The following RUNX1 variants were observed in gnomAD, a reference collection of about 807,000 sequenced individuals.
RUNX1 encodes runt-related transcription factor 1.
Under a neutral mutation model 42.8 loss-of-function variants are expected in RUNX1, and 19 were observed. The observed-to-expected ratio is 0.44, with a 90% CI of 0.31 to 0.65. RUNX1 has a LOEUF of 0.65. Among genes scored for constraint, RUNX1 ranks in the 30% least tolerant of loss-of-function variants. The pLI is 0.07. For missense variants in RUNX1, 528 were observed against 672.0 expected, an observed-to-expected ratio of 0.79 and a Z score of 2.37; for synonymous variants, 271 against 289.4, an observed-to-expected ratio of 0.94 and a Z score of 0.64.
At chr21:35,029,310 T>C (rs964194593) in intron 2 of RUNX1, among the ~76,000 whole-genome samples, 1 of 152,244 alleles carries the variant, frequency 6.6e-6, no homozygotes, top group African/African-American at 2.4e-5. Context: ...AAGCAGCCAA[T>C]ACACCTCAGT....
chr21:34,945,588 C>T (rs1333544333), intron 2 of RUNX1, among the ~76,000 whole-genome samples: 1 of 152,174 alleles, frequency 6.6e-6, no homozygotes, highest in Non-Finnish European at 1.5e-5. Context: ...TTCTTCCCTC[C>T]CAGACTTCTC....
At chr21:34,939,367 T>C (rs918104688) in intron 2 of RUNX1, among the ~76,000 whole-genome samples, 1 of 152,214 alleles carries the variant, frequency 6.6e-6, no homozygotes, top group East Asian at 1.9e-4. Flanking sequence ...GATGCAGTCA[T>C]TTTGCCTCTG....
At chr21:35,012,015 G>A (rs1185564053) in intron 2 of RUNX1, among the ~76,000 whole-genome samples, 1 of 152,178 alleles carries the variant, frequency 6.6e-6, no homozygotes, top group Non-Finnish European at 1.5e-5. Context: ...CTTCTGGCAG[G>A]TGCTACAGGA....
intron 2 of RUNX1, among the ~76,000 whole-genome samples, chr21:35,021,637 G>T (rs913514750): frequency 6.6e-6 from 1 of 152,192 alleles, no homozygotes; most frequent in African/African-American, 2.4e-5. Flanking sequence ...AGTTGAGTTG[G>T]AGAAAGAGCC....
At chr21:34,821,496 T>C in intron 7 of RUNX1, 1 of 1,468,350 alleles carries the variant, frequency 6.8e-7, no homozygotes, top group Non-Finnish European at 9.1e-7. Context: ...TTACGACGGT[T>C]TGCAGAGGGG....
At chr21:34,896,282 A>G (rs573919427) in intron 2 of RUNX1, among the ~76,000 whole-genome samples, 25 of 152,206 alleles carry the variant, frequency 1.6e-4, no homozygotes, top group Non-Finnish European at 3.4e-4. Flanking sequence ...GTGAGAAGAG[A>G]CCATTCTCAG....
chr21:34,940,010 CT>C (rs2058514843), intron 2 of RUNX1, among the ~76,000 whole-genome samples: 1 of 152,112 alleles, frequency 6.6e-6, no homozygotes, highest in African/African-American at 2.4e-5. Flanking sequence ...AATGATGAGG[CT>C]GGAGCATTTC....
chr21:34,795,067 A>G (rs1163068029), intron 8 of RUNX1, among the ~76,000 whole-genome samples: 3 of 152,220 alleles, frequency 2.0e-5, no homozygotes, highest in African/African-American at 7.2e-5. Context: ...AAATCCACAG[A>G]CAGCAACAAA....
At chr21:34,935,516 TAAG>T (rs984511724) in intron 2 of RUNX1, among the ~76,000 whole-genome samples, 3 of 152,174 alleles carry the variant, frequency 2.0e-5, no homozygotes, top group Non-Finnish European at 2.9e-5. Flanking sequence ...AGTATTGTGG[TAAG>T]AATATGATTG....
chr21:34,958,419 C>T (rs949234000), intron 2 of RUNX1, among the ~76,000 whole-genome samples: 27 of 152,132 alleles, frequency 1.8e-4, no homozygotes, highest in Admixed American at 1.0e-3. Context: ...CAAAAGAAGA[C>T]ATTTATGCAG....
chr21:34,860,355 C>T (rs925322312), intron 5 of RUNX1, among the ~76,000 whole-genome samples: 7 of 152,202 alleles, frequency 4.6e-5, no homozygotes, highest in Non-Finnish European at 8.8e-5. Context: ...ATCTGGCTAG[C>T]TGACCTTTGG....
intron 2 of RUNX1, among the ~76,000 whole-genome samples, chr21:34,899,329 G>C (rs2058158385): frequency 1.3e-5 from 2 of 152,164 alleles, no homozygotes; most frequent in Non-Finnish European, 2.9e-5. Context: ...GAGGTGATTA[G>C]ATTAAGATGA....
At chr21:35,019,722 A>G (rs1489461540) in intron 2 of RUNX1, among the ~76,000 whole-genome samples, 1 of 152,080 alleles carries the variant, frequency 6.6e-6, no homozygotes, top group Non-Finnish European at 1.5e-5. Context: ...ATCGACAACC[A>G]CAATCAGCCT....
At chr21:35,030,859 A>G (rs554177843) in intron 2 of RUNX1, among the ~76,000 whole-genome samples, 5 of 152,326 alleles carry the variant, frequency 3.3e-5, no homozygotes, top group African/African-American at 1.2e-4. Context: ...CTACATAAAG[A>G]ACTCAAACAA....
intron 2 of RUNX1, among the ~76,000 whole-genome samples, chr21:34,900,706 T>C (rs1210791924): frequency 6.6e-6 from 1 of 152,248 alleles, no homozygotes; most frequent in African/African-American, 2.4e-5. Context: ...TGCCTCAGCC[T>C]ATAAAACAGT....
intron 7 of RUNX1, among the ~76,000 whole-genome samples, chr21:34,824,686 C>G (rs1288275105): frequency 6.6e-6 from 1 of 152,150 alleles, no homozygotes; most frequent in Non-Finnish European, 1.5e-5. Context: ...TGTCAATTTC[C>G]CCTAAAGGTC....
At chr21:34,937,297 A>T in intron 2 of RUNX1, among the ~76,000 whole-genome samples, 1 of 132,996 alleles carries the variant, frequency 7.5e-6, no homozygotes. Context: ...GGAACATGCC[A>T]TTGTAACATT....
At chr21:34,990,382 G>A (rs1445062919) in intron 2 of RUNX1, among the ~76,000 whole-genome samples, 1 of 152,218 alleles carries the variant, frequency 6.6e-6, no homozygotes, top group Admixed American at 6.5e-5. Flanking sequence ...GGAACCCCCA[G>A]AATGGCAGAG....
At chr21:35,028,505 A>T (rs1266583019) in intron 2 of RUNX1, among the ~76,000 whole-genome samples, 2 of 152,090 alleles carry the variant, frequency 1.3e-5, no homozygotes, top group African/African-American at 4.8e-5. Flanking sequence ...CCTGGAATAA[A>T]ATGACTTCCA....
Sources: allele counts gnomAD v4.1 joint callset (sites outside exome capture counted in the v4.1 genomes callset), GRCh38; gene constraint gnomAD v4.1.1; transcripts MANE v1.5; gene names NCBI Gene and HGNC (gene_info 2026-07-23, HGNC 2026-07-21).